NRG1: variants seen among roughly 807,000 people sequenced by gnomAD.
NRG1 encodes neuregulin 1.
NRG1 carries 18 observed loss-of-function variants against 63.8 expected under a neutral mutation model. The observed-to-expected ratio is 0.28, with a 90% CI of 0.19 to 0.42. The LOEUF (loss-of-function observed/expected upper bound fraction) is 0.42. Ranked by LOEUF, NRG1 falls within the 10% of genes least tolerant of loss-of-function variation. The pLI is 1.00. For missense variants in NRG1, 762 were observed against 814.7 expected (o/e 0.94, Z 0.79); for synonymous variants, 302 against 301.3 (o/e 1.00, Z -0.02).
At chr8:31,837,249 T>G (rs566411622) in intron 1 of NRG1, among the ~76,000 whole-genome samples, 1 of 152,150 alleles carries the variant, frequency 6.6e-6, no homozygotes, top group South Asian at 2.1e-4. Flanking sequence ...AAATATAAAT[T>G]TTTACATAAA....
chr8:32,141,558 T>C (rs887622013), intron 1 of NRG1, among the ~76,000 whole-genome samples: 3 of 141,032 alleles, frequency 2.1e-5, no homozygotes, highest in Non-Finnish European at 3.1e-5. Flanking sequence ...ATATATACTT[T>C]ATATATGTAT....
chr8:31,936,569 T>C (rs1800940115), intron 1 of NRG1, among the ~76,000 whole-genome samples: 1 of 152,182 alleles, frequency 6.6e-6, no homozygotes, highest in Non-Finnish European at 1.5e-5. Flanking sequence ...ACATTTCTGA[T>C]TTACATAATT....
chr8:32,228,596 T>C (rs1846579273), intron 1 of NRG1, among the ~76,000 whole-genome samples: 1 of 152,224 alleles, frequency 6.6e-6, no homozygotes, highest in South Asian at 2.1e-4. Flanking sequence ...ACCTGATTTT[T>C]CTACACTATA....
intron 5 of NRG1, among the ~76,000 whole-genome samples, chr8:32,636,989 G>A (rs1851458085): frequency 6.6e-6 from 1 of 152,076 alleles, no homozygotes; most frequent in African/African-American, 2.4e-5. Flanking sequence ...TGTTTGTTTG[G>A]CATAGGTAAT....
chr8:32,325,747 A>C (rs1801920470), intron 1 of NRG1, among the ~76,000 whole-genome samples: 1 of 152,196 alleles, frequency 6.6e-6, no homozygotes, highest in Non-Finnish European at 1.5e-5. Context: ...ATAAAGAATA[A>C]ATTAAAAATT....
intron 1 of NRG1, among the ~76,000 whole-genome samples, chr8:32,359,549 G>A (rs1223920693): frequency 6.6e-6 from 1 of 152,086 alleles, no homozygotes; most frequent in African/African-American, 2.4e-5. Flanking sequence ...CTTGAAAGGA[G>A]TCCTAGTCAC....
At chr8:31,765,496 G>C (rs944980851) in intron 1 of NRG1, among the ~76,000 whole-genome samples, 1 of 152,188 alleles carries the variant, frequency 6.6e-6, no homozygotes, top group Non-Finnish European at 1.5e-5. Flanking sequence ...TCAAACTGAA[G>C]TTCTCCTCTA....
intron 1 of NRG1, among the ~76,000 whole-genome samples, chr8:32,257,737 A>G (rs918988826): frequency 6.6e-6 from 1 of 152,200 alleles, no homozygotes; most frequent in Admixed American, 6.5e-5. Context: ...TAAAAGGGGC[A>G]GGGCGACCCA....
At chr8:32,767,865 T>C (rs981426746) in exon 12 of NRG1, 3 of 152,328 alleles carry the variant, frequency 2.0e-5, no homozygotes, top group Admixed American at 1.3e-4. Context: ...AATTTATTAT[T>C]CAAAATACTA....
chr8:31,840,828 A>AG (rs1287572906), intron 1 of NRG1, among the ~76,000 whole-genome samples: 4 of 152,202 alleles, frequency 2.6e-5, no homozygotes, highest in African/African-American at 9.6e-5. Flanking sequence ...AAATAAAGAG[A>AG]GAGAAGGGAG....
chr8:32,146,057 T>C (rs1031225715), intron 1 of NRG1, among the ~76,000 whole-genome samples: 2 of 152,190 alleles, frequency 1.3e-5, no homozygotes, highest in African/African-American at 4.8e-5. Flanking sequence ...CCTGGAAATT[T>C]TAGATGTATA....
chr8:32,195,438 C>CA (rs34604354), intron 1 of NRG1, among the ~76,000 whole-genome samples: 92,877 of 137,586 alleles, frequency 0.68, 31,560 homozygotes, highest in African/African-American at 0.78. Context: ...GACCCTGTCT[C>CA]AAAAAAAAAA....
chr8:32,635,973 G>A (rs72634870), intron 5 of NRG1, among the ~76,000 whole-genome samples: 1,569 of 152,228 alleles, frequency 0.01, 16 homozygotes, highest in Non-Finnish European at 0.015. Flanking sequence ...GTAGACATTT[G>A]GAAGAGCATG....
At chr8:32,040,607 GCATATATACA>G (rs1819786421) in intron 1 of NRG1, among the ~76,000 whole-genome samples, 2 of 148,576 alleles carry the variant, frequency 1.3e-5, no homozygotes, top group Non-Finnish European at 3.0e-5. Context: ...ATGTATATAT[GCATATATACA>G]CATATATACA....
At chr8:32,284,774 G>T (rs1339383812) in intron 1 of NRG1, among the ~76,000 whole-genome samples, 1 of 152,092 alleles carries the variant, frequency 6.6e-6, no homozygotes, top group African/African-American at 2.4e-5. Flanking sequence ...GTCTCAAACT[G>T]CTGGGCTCAA....
chr8:32,066,301 A>G (rs1454362681), intron 1 of NRG1, among the ~76,000 whole-genome samples: 1 of 152,184 alleles, frequency 6.6e-6, no homozygotes, highest in Non-Finnish European at 1.5e-5. Context: ...GTTTTCTTCT[A>G]GGGTTTTAAT....
chr8:32,345,547 C>A (rs1201527765), intron 1 of NRG1, among the ~76,000 whole-genome samples: 1 of 152,188 alleles, frequency 6.6e-6, no homozygotes, highest in African/African-American at 2.4e-5. Flanking sequence ...AAAAGACCCT[C>A]TTCTCCCAGT....
chr8:31,969,670 A>G (rs1286955827), intron 1 of NRG1, among the ~76,000 whole-genome samples: 1 of 152,154 alleles, frequency 6.6e-6, no homozygotes, highest in African/African-American at 2.4e-5. Flanking sequence ...AGGTCAATCC[A>G]TTCTCTGGTT....
intron 5 of NRG1, among the ~76,000 whole-genome samples, chr8:32,640,154 CT>C (rs1852063566): frequency 6.6e-6 from 1 of 152,034 alleles, no homozygotes; most frequent in Admixed American, 6.6e-5. Context: ...ATATGTATTG[CT>C]CCAGTAAATG....
Sources: allele counts gnomAD v4.1 joint callset (sites outside exome capture counted in the v4.1 genomes callset), GRCh38; gene constraint gnomAD v4.1.1; transcripts MANE v1.5; gene names NCBI Gene and HGNC (gene_info 2026-07-23, HGNC 2026-07-21).